Variants in TENM2 observed in about 807,000 individuals in gnomAD.
The protein encoded by TENM2 is teneurin transmembrane protein 2, also known as teneurin-2.
A neutral mutation model predicts 245.2 loss-of-function variants in TENM2; 52 were observed. The ratio of observed to expected loss-of-function variants is 0.21; its 90% confidence interval spans 0.17 to 0.27. The LOEUF (loss-of-function observed/expected upper bound fraction) is 0.27, where lower values mean the gene tolerates loss of function less well. TENM2 is among the 10% of genes least tolerant of loss of function. The pLI, the probability that TENM2 is intolerant of heterozygous loss-of-function variation, is 1.00. For missense variants in TENM2, 3,046 were observed against 3,666.8 expected, an observed-to-expected ratio of 0.83 and a Z score of 4.37; for synonymous variants, 1,363 against 1,438.9, an observed-to-expected ratio of 0.95 and a Z score of 1.19.
chr5:167,354,538 G>A (rs1278122726), intron 1 of TENM2, among the ~76,000 whole-genome samples: 1 of 152,092 alleles, frequency 6.6e-6, no homozygotes, highest in Non-Finnish European at 1.5e-5. Flanking sequence ...ATGGGAAAGG[G>A]GCTTTATGTC....
chr5:168,072,311 T>G (rs553625437), intron 7 of TENM2, among the ~76,000 whole-genome samples: 1 of 152,182 alleles, frequency 6.6e-6, no homozygotes, highest in Non-Finnish European at 1.5e-5. Flanking sequence ...TTCGCTGACC[T>G]TGACCCCAAG....
intron 5 of TENM2, among the ~76,000 whole-genome samples, chr5:167,996,635 G>T (rs1276680345): frequency 6.6e-6 from 1 of 152,138 alleles, no homozygotes. Context: ...AAGATGTATT[G>T]TGTTATCTTG....
At chr5:167,199,990 G>A in the TENM2 span, among the ~76,000 whole-genome samples, 1 of 152,006 alleles carries the variant, frequency 6.6e-6, no homozygotes, top group Non-Finnish European at 1.5e-5. Context: ...TCCTGGCCTG[G>A]TAAGAGCTGG....
chr5:167,460,201 A>G (rs572284652), intron 2 of TENM2, among the ~76,000 whole-genome samples: 3 of 152,276 alleles, frequency 2.0e-5, no homozygotes, highest in African/African-American at 4.8e-5. Flanking sequence ...ATTTTTCCCA[A>G]TGCAGCAGCC....
intron 2 of TENM2, among the ~76,000 whole-genome samples, chr5:167,575,122 A>T (rs1459467230): frequency 6.6e-6 from 1 of 151,292 alleles, no homozygotes; most frequent in Non-Finnish European, 1.5e-5. Flanking sequence ...GAGAAAGAAA[A>T]AAAAAAAAAA....
At chr5:167,430,173 T>C (rs1157907664) in intron 2 of TENM2, among the ~76,000 whole-genome samples, 1 of 152,120 alleles carries the variant, frequency 6.6e-6, no homozygotes, top group Non-Finnish European at 1.5e-5. Context: ...AAGGGAATAA[T>C]GTGATATACT....
the TENM2 span, among the ~76,000 whole-genome samples, chr5:167,003,633 A>G: frequency 6.6e-6 from 1 of 152,168 alleles, no homozygotes; most frequent in Admixed American, 6.5e-5. Context: ...GCTTGTTGGT[A>G]AAGTCGAACT....
intron 1 of TENM2, among the ~76,000 whole-genome samples, chr5:167,319,058 A>G (rs1403511740): frequency 2.6e-5 from 4 of 152,214 alleles, no homozygotes; most frequent in Admixed American, 2.0e-4. Flanking sequence ...TCTGTTTATC[A>G]ATTGATATAC....
At chr5:167,727,083 C>T (rs1760060681) in intron 2 of TENM2, among the ~76,000 whole-genome samples, 1 of 148,068 alleles carries the variant, frequency 6.8e-6, no homozygotes, top group African/African-American at 2.5e-5. Context: ...CTTGCAAAAT[C>T]AGTAATGAAT....
chr5:167,466,908 G>A (rs568305908), intron 2 of TENM2, among the ~76,000 whole-genome samples: 1 of 152,074 alleles, frequency 6.6e-6, no homozygotes, highest in Non-Finnish European at 1.5e-5. Context: ...AAGTAGTTCG[G>A]ACTTCGGGTG....
intron 2 of TENM2, among the ~76,000 whole-genome samples, chr5:167,656,480 A>G (rs1310319399): frequency 2.0e-5 from 3 of 152,180 alleles, no homozygotes; most frequent in Admixed American, 6.5e-5. Flanking sequence ...GAAGGAAAGA[A>G]TGAAGTTTAT....
intron 7 of TENM2, among the ~76,000 whole-genome samples, chr5:168,083,282 T>G (rs2152209761): frequency 6.6e-6 from 1 of 152,296 alleles, no homozygotes; most frequent in South Asian, 2.1e-4. Flanking sequence ...TGGTGTGCCG[T>G]TTGCTAAGAC....
chr5:167,859,395 C>CA (rs1771463217), intron 2 of TENM2, among the ~76,000 whole-genome samples: 1 of 149,198 alleles, frequency 6.7e-6, no homozygotes, highest in African/African-American at 2.5e-5. Flanking sequence ...GGTCAGCCCC[C>CA]CGCCCGGCCA....
At chr5:167,867,378 A>G (rs568179482) in intron 2 of TENM2, among the ~76,000 whole-genome samples, 1 of 152,238 alleles carries the variant, frequency 6.6e-6, no homozygotes, top group African/African-American at 2.4e-5. Flanking sequence ...TATAGAAACG[A>G]CACCCAAATG....
At chr5:167,800,209 A>G (rs1476340558) in intron 2 of TENM2, among the ~76,000 whole-genome samples, 1 of 152,216 alleles carries the variant, frequency 6.6e-6, no homozygotes, top group Non-Finnish European at 1.5e-5. Flanking sequence ...AGAATGCCAC[A>G]GATGTCATCT....
At chr5:168,102,053 TTG>T (rs5873087) in intron 9 of TENM2, among the ~76,000 whole-genome samples, 1 of 150,988 alleles carries the variant, frequency 6.6e-6, no homozygotes, top group African/African-American at 2.4e-5. Flanking sequence ...TTTTTTGTTT[TTG>T]TGTGTGTGTG....
chr5:166,983,695 A>T, the TENM2 span, among the ~76,000 whole-genome samples: 4 of 152,102 alleles, frequency 2.6e-5, no homozygotes, highest in African/African-American at 4.8e-5. Context: ...TTCGTGGTAG[A>T]TGCTAAAGAA....
chr5:168,153,358 C>A (rs1029598472), intron 12 of TENM2, among the ~76,000 whole-genome samples: 6 of 152,192 alleles, frequency 3.9e-5, no homozygotes, highest in Admixed American at 3.3e-4. Context: ...TTGCTTTAAA[C>A]AAAGGGTTCA....
At chr5:167,160,192 C>T in the TENM2 span, among the ~76,000 whole-genome samples, 1 of 152,210 alleles carries the variant, frequency 6.6e-6, no homozygotes, top group Non-Finnish European at 1.5e-5. Context: ...CAAGAAATCA[C>T]CTCCTCACTG....
Sources: allele counts gnomAD v4.1 joint callset (sites outside exome capture counted in the v4.1 genomes callset), GRCh38; gene constraint gnomAD v4.1.1; transcripts MANE v1.5; gene names NCBI Gene and HGNC (gene_info 2026-07-23, HGNC 2026-07-21).